The following AP1AR variants were observed in gnomAD, a reference collection of about 807,000 sequenced individuals.
AP1AR encodes the protein adaptor related protein complex 1 associated regulatory protein.
A neutral mutation model predicts 46.3 loss-of-function variants in AP1AR; 29 were observed. The ratio of observed to expected loss-of-function variants is 0.63; its 90% confidence interval spans 0.47 to 0.85. AP1AR has a LOEUF of 0.85. Ranked by LOEUF, AP1AR falls within the 40% of genes least tolerant of loss-of-function variation. The probability of loss-of-function intolerance (pLI) is 0.00; values close to 1 mark genes in which losing one functional copy is unlikely to be tolerated. For missense variants in AP1AR, 357 were observed against 356.3 expected, an observed-to-expected ratio of 1.00 and a Z score of -0.02; for synonymous variants, 122 against 122.9, an observed-to-expected ratio of 0.99 and a Z score of 0.05.
intron 1 of AP1AR, among the ~76,000 whole-genome samples, chr4:112,235,324 A>G (rs893578491): frequency 6.6e-6 from 1 of 152,170 alleles, no homozygotes; most frequent in Non-Finnish European, 1.5e-5. Context: ...CTATTTCTAT[A>G]TTACTGTATA....
rs60391724 is a variant in AP1AR, at chr4:112,269,093, G to GATATATATATATATATAT, written c.*685_*702dup. 2.1e-5 allele frequency: 3 copies of GATATATATATATATATAT among 146,138 alleles called. No homozygotes were observed. The Admixed American group carries it at 2.1e-4, about 10-fold the overall frequency. The allele number at this position is 146,138 out of a possible 1,614,324, so 9.1% of individuals were successfully genotyped here. A position where few individuals can be genotyped will look rare whatever the true frequency, so the allele number is the denominator to read the frequency against. On this transcript the variant is annotated 3_prime_UTR_variant, in exon 10 of 10. Transcript: ENST00000274000. ...AATAATAAAAAATAATATTTAAGAA[G>GATATATATATATATATAT]ATATATATATATATATATTTAGTTT...
chr4:112,266,666 G>C lies in AP1AR; in HGVS notation c.593G>C (p.Ser198Thr), dbSNP rs1422129364. The change falls in exon 9 of 10, where the codon AGT becomes ACT. Residue 198 changes from serine to threonine, a missense_variant. Coordinates refer to ENST00000274000, the MANE Select transcript of AP1AR (RefSeq NM_018569.6). ...CDLMTKTKST[S>T]GNDDSTSLDL... ...TTAATGACCAAAACTAAATCAACTA[G>C]TGGAAATGACGACAGCACATCCTTA... is the stretch of plus-strand genomic sequence containing the variant. The C allele has an allele frequency of 2.5e-6, 4 of 1,610,718 alleles. No homozygotes were observed. The highest frequency in any genetic ancestry group is 1.7e-4 in the Middle Eastern group (1 of 6,036).
Position 112,257,752 on chromosome 4 carries a change from T to G in AP1AR, c.160-20T>G. The stretch of plus-strand genomic sequence containing the variant: ...TTAGCTAATGAATTTGTTTTAATTG[T>G]TTAATTAATTTTTGTACAGGGGGAG... On this transcript the variant is annotated intron_variant, in intron 3 of 9. Coordinates refer to ENST00000274000, the MANE Select transcript of AP1AR (RefSeq NM_018569.6). 1 of 1,548,460 alleles carries G rather than the reference T, an allele frequency of 6.5e-7. No homozygotes were observed. The highest frequency in any genetic ancestry group is 8.7e-7 in the Non-Finnish European group (1 of 1,147,822).
chr4:112,253,303 C>A, intron 2 of AP1AR, 47 bp downstream of exon 2: 1 of 1,429,162 alleles, frequency 7.0e-7, no homozygotes, highest in South Asian at 1.2e-5. Context: ...TTCAGAAAGG[C>A]GGAAGGGGCT....
chr4:112,244,113 G>A (rs1273782054), intron 1 of AP1AR, among the ~76,000 whole-genome samples: 1 of 152,174 alleles, frequency 6.6e-6, no homozygotes, highest in Non-Finnish European at 1.5e-5. Context: ...AATAATAGAT[G>A]TGTAAGACTA....
At chr4:112,249,718 C>A (rs72664596) in intron 1 of AP1AR, among the ~76,000 whole-genome samples, 7,199 of 151,896 alleles carry the variant, frequency 0.047, 231 homozygotes, top group Middle Eastern at 0.11. Context: ...GATTTCTTAC[C>A]TGTATATATT....
At chr4:112,266,049 C>T (rs1726691104) in intron 8 of AP1AR, among the ~76,000 whole-genome samples, 1 of 151,586 alleles carries the variant, frequency 6.6e-6, no homozygotes, top group African/African-American at 2.4e-5. Flanking sequence ...CTCCTTTTTC[C>T]ATTTCTACTC....
intron 1 of AP1AR, among the ~76,000 whole-genome samples, chr4:112,249,184 C>T (rs1725846288): frequency 6.6e-6 from 1 of 152,010 alleles, no homozygotes. Flanking sequence ...ATCCCAGCTA[C>T]TCGGGAGGCT....
chr4:112,252,889 G>A (rs539612163), intron 1 of AP1AR, among the ~76,000 whole-genome samples: 2 of 152,150 alleles, frequency 1.3e-5, no homozygotes, highest in South Asian at 4.1e-4. Flanking sequence ...TACTTTTCTT[G>A]ATGTAGTAAA....
Position 112,268,216 on chromosome 4 carries a change from A to T in AP1AR, c.716A>T (p.Tyr239Phe), listed in dbSNP as rs1726786710. The T allele has an allele frequency of 3.1e-6, 5 of 1,612,390 alleles. No homozygotes were observed. The highest frequency in any genetic ancestry group is 1.3e-5 in the African/African-American group (1 of 74,872). The change falls in exon 10 of 10, where the codon TAT becomes TTT. Residue 239 changes from tyrosine (Y) to phenylalanine (F), a missense_variant. Around this residue, in one of 2 missense-constraint regions of AP1AR, gnomAD observed 88 missense variants for 132.7 expected, o/e 0.66. Coordinates refer to ENST00000274000, the MANE Select transcript of AP1AR (RefSeq NM_018569.6). ...EEDILRAALK[Y>F]SNKKTGSNPT... ...GACATTCTACGGGCAGCACTTAAGT[A>T]TAGCAACAAGAAGACTGGAAGTAAT...
intron 1 of AP1AR, among the ~76,000 whole-genome samples, chr4:112,240,801 A>T (rs1725461385): frequency 6.6e-6 from 1 of 152,168 alleles, no homozygotes; most frequent in Admixed American, 6.5e-5. Flanking sequence ...AGCCTTTTGG[A>T]TACATGGGTT....
At chr4:112,243,122 A>G (rs772702193) in intron 1 of AP1AR, among the ~76,000 whole-genome samples, 5 of 152,188 alleles carry the variant, frequency 3.3e-5, no homozygotes, top group Non-Finnish European at 5.9e-5. Context: ...TGGATTCATG[A>G]ACGTTAAATG....
chr4:112,232,749 C>T lies in AP1AR; in HGVS notation c.83+575C>T, dbSNP rs184704715. Reference sequence around the variant, plus strand: ...AATGGGCATTCAGATTCTTGGTGCTCATAACTACAGGGACAATGTGTAATT... The same window carrying T: ...AATGGGCATTCAGATTCTTGGTGCTTATAACTACAGGGACAATGTGTAATT... On this transcript the variant is annotated intron_variant, in intron 1 of 9. Coordinates refer to ENST00000274000, the MANE Select transcript of AP1AR (RefSeq NM_018569.6). 1.8e-4 allele frequency among the ~76,000 whole-genome samples: 27 copies of T among 152,256 alleles called. 5 individuals are homozygous for T. The highest frequency in any genetic ancestry group is 6.5e-4 in the African/African-American group (27 of 41,552).
chr4:112,243,268 C>T (rs1487897503), intron 1 of AP1AR, among the ~76,000 whole-genome samples: 1 of 152,162 alleles, frequency 6.6e-6, no homozygotes, highest in Non-Finnish European at 1.5e-5. Flanking sequence ...AGTCTTATGT[C>T]TTGGATTTAC....
At position 112,268,596 on chromosome 4, in the gene AP1AR, A is replaced by G; in HGVS notation, c.*187A>G. ...TTGATACAGAATTAAGTGCAATTTCATCATCTGCCTTCTGCTTTTCAAGAC... is the reference window on the plus strand; with the variant it reads ...TTGATACAGAATTAAGTGCAATTTCGTCATCTGCCTTCTGCTTTTCAAGAC... On this transcript the variant is annotated 3_prime_UTR_variant, in exon 10 of 10. Coordinates refer to ENST00000274000, the MANE Select transcript of AP1AR (RefSeq NM_018569.6). The G allele has an allele frequency of 2.1e-6, 1 of 474,176 alleles. No homozygotes were observed. 29.4% of individuals were successfully genotyped at this position (474,176 alleles called of 1,614,324 possible).
Position 112,271,622 on chromosome 4 carries a change from T to C in AP1AR, c.*3213T>C, listed in dbSNP as rs1434452226. ...GCCAGCCTAGTAGCTGCAAGTGCCC[T>C]TAACTATAACTTCTTGGTTCTGATT... On this transcript the variant is annotated 3_prime_UTR_variant, in exon 10 of 10. Transcript: ENST00000274000. 6.6e-6 allele frequency among the ~76,000 whole-genome samples: 1 copy of C among 152,252 alleles called. No homozygotes were observed. Among genetic ancestry groups the C allele is most frequent in the Admixed American group, 6.5e-5 (1 of 15,290 alleles).
chr4:112,238,925 A>G (rs917002905), intron 1 of AP1AR, among the ~76,000 whole-genome samples: 1 of 151,962 alleles, frequency 6.6e-6, no homozygotes, highest in Non-Finnish European at 1.5e-5. Context: ...CTTTTCTACT[A>G]CTTCGTTCCC....
rs754700844 is a variant in AP1AR, at chr4:112,261,362, G to A, written c.282+500G>A. On this transcript the variant is annotated intron_variant, in intron 5 of 9. Coordinates refer to ENST00000274000, the MANE Select transcript of AP1AR (RefSeq NM_018569.6). ...TGGGAGTATTGCTTGAGCCAGAGAG[G>A]TCAAGGCTGCAGTGAGCCAAGATCA... 3.5e-4 allele frequency among the ~76,000 whole-genome samples: 53 copies of A among 152,188 alleles called. 1 individual carries two copies. Among genetic ancestry groups the A allele is most frequent in the Non-Finnish European group, 5.7e-4 (39 of 68,004 alleles).
At chr4:112,236,400 CTTT>C (rs35720859) in intron 1 of AP1AR, among the ~76,000 whole-genome samples, 1 of 143,398 alleles carries the variant, frequency 7.0e-6, no homozygotes, top group Non-Finnish European at 1.5e-5. Flanking sequence ...ATTTCTAAGT[CTTT>C]TTTTTTTTTT....
Sources: gnomAD v4.1 joint callset for allele counts (sites outside exome capture counted in the v4.1 genomes callset) on GRCh38, gnomAD v4.1.1 for gene constraint, gnomAD v4.1.1 regional missense constraint, MANE v1.5 for transcripts, NCBI Gene and HGNC (gene_info 2026-07-23, HGNC 2026-07-21) for gene names.